SYT17: variants seen among roughly 807,000 people sequenced by gnomAD.
SYT17 encodes the protein synaptotagmin-17.
Under a neutral mutation model 46.7 loss-of-function variants are expected in SYT17, and 22 were observed. The ratio of observed to expected loss-of-function variants is 0.47; its 90% CI spans 0.34 to 0.67. The LOEUF (loss-of-function observed/expected upper bound fraction) is 0.67, where lower values mean the gene tolerates loss of function less well. Among genes scored for constraint, SYT17 ranks in the 30% least tolerant of loss-of-function variants. The pLI, the probability that SYT17 is intolerant of heterozygous loss-of-function variation, is 0.01. For missense variants in SYT17, 519 were observed against 612.8 expected (o/e 0.85, Z 1.62); for synonymous variants, 251 against 248.4 (o/e 1.01, Z -0.10).
chr16:19,258,483 A>G (rs1409666146), intron 7 of SYT17, among the ~76,000 whole-genome samples: 3 of 151,898 alleles, frequency 2.0e-5, no homozygotes, highest in East Asian at 3.9e-4. Flanking sequence ...TCTACTAAAA[A>G]ACACAAAAAT....
intron 7 of SYT17, among the ~76,000 whole-genome samples, chr16:19,231,523 C>CAAAAAAAAAAAAAAA (rs143448107): frequency 8.5e-4 from 39 of 45,840 alleles, no homozygotes; most frequent in South Asian, 2.8e-3. Context: ...AACTCCATCA[C>CAAAAAAAAAAAAAAA]AAAAAAAAAA....
At chr16:19,249,875 C>G in intron 7 of SYT17, 2 of 1,493,970 alleles carry the variant, frequency 1.3e-6, no homozygotes, top group Non-Finnish European at 1.8e-6. Flanking sequence ...TACTTTCATC[C>G]AGGTCGTCTT....
At chr16:19,263,731 C>T (rs200385080) in intron 7 of SYT17, among the ~76,000 whole-genome samples, 1 of 145,580 alleles carries the variant, frequency 6.9e-6, no homozygotes, top group East Asian at 2.0e-4. Context: ...AATGTGGAAA[C>T]AACCCAAATG....
intron 7 of SYT17, among the ~76,000 whole-genome samples, chr16:19,236,483 T>C (rs1966849760): frequency 1.3e-5 from 2 of 152,164 alleles, no homozygotes; most frequent in Non-Finnish European, 2.9e-5. Context: ...CTGTAAGTTC[T>C]GAGGTCTCTA....
chr16:19,247,385 T>G (rs1195186098), intron 7 of SYT17, among the ~76,000 whole-genome samples: 1 of 152,178 alleles, frequency 6.6e-6, no homozygotes, highest in Non-Finnish European at 1.5e-5. Context: ...GATGGCTGGA[T>G]CAAAGCATAC....
chr16:19,234,275 A>G (rs1039240963), intron 7 of SYT17, among the ~76,000 whole-genome samples: 2 of 152,084 alleles, frequency 1.3e-5, no homozygotes, highest in African/African-American at 2.4e-5. Flanking sequence ...GCAGTAAACT[A>G]TGATCACACC....
At chr16:19,189,198 A>G (rs1209500343) in intron 5 of SYT17, among the ~76,000 whole-genome samples, 1 of 152,106 alleles carries the variant, frequency 6.6e-6, no homozygotes, top group Non-Finnish European at 1.5e-5. Context: ...TTATAAGGAC[A>G]CCGGACACCA....
chr16:19,180,340 C>G (rs1186306582), intron 3 of SYT17, 51 bp from the exon 4 acceptor site: 1 of 1,601,244 alleles, frequency 6.2e-7, no homozygotes, highest in Admixed American at 1.7e-5. Flanking sequence ...ACAGAGATGC[C>G]AGTCCCCGGG....
At chr16:19,180,640 G>A (rs753033179) in intron 4 of SYT17, 101 bp downstream of exon 4, 115 of 1,432,224 alleles carry the variant, frequency 8.0e-5, no homozygotes, top group Non-Finnish European at 1.0e-4. Context: ...GGGGGAGGGC[G>A]GCAGAGTGGG....
At chr16:19,177,093 G>A (rs1257601808) in intron 3 of SYT17, among the ~76,000 whole-genome samples, 14 of 152,204 alleles carry the variant, frequency 9.2e-5, no homozygotes, top group Admixed American at 9.2e-4. Context: ...CTCATGTTGA[G>A]CTGGAGGACA....
rs1345843283 is a variant in SYT17 at position 19,198,346 on chromosome 16, C to T, written c.951+14199C>T. On this transcript the variant is annotated intron_variant, in intron 5 of 7. Coordinates refer to ENST00000355377, the MANE Select transcript of SYT17 (RefSeq NM_016524.4). ...GATCAGAGAGCCTGGCACATGTTTACAGTGGTGCCATATCATGGTCAAAAG... is the reference window on the plus strand; with the variant it reads ...GATCAGAGAGCCTGGCACATGTTTATAGTGGTGCCATATCATGGTCAAAAG... Among the ~76,000 whole-genome samples, 4 of 152,292 alleles carry T rather than the reference C, an allele frequency of 2.6e-5. No homozygotes were observed. In the East Asian group the frequency reaches 5.8e-4, roughly 22 times the overall value.
At chr16:19,204,655 T>G (rs1017366297) in intron 5 of SYT17, among the ~76,000 whole-genome samples, 2 of 152,084 alleles carry the variant, frequency 1.3e-5, no homozygotes, top group African/African-American at 4.8e-5. Flanking sequence ...TTGAAACACC[T>G]GTGTTATCAG....
chr16:19,178,320 C>G (rs575801830), intron 3 of SYT17, among the ~76,000 whole-genome samples: 2 of 151,856 alleles, frequency 1.3e-5, no homozygotes, highest in Non-Finnish European at 2.9e-5. Context: ...GTCCTGACCT[C>G]GTGATCCACC....
chr16:19,204,460 T>C (rs1365625855), intron 5 of SYT17, among the ~76,000 whole-genome samples: 1 of 151,984 alleles, frequency 6.6e-6, no homozygotes, highest in African/African-American at 2.4e-5. Context: ...CACTCAGCTT[T>C]CGGCGTTGAG....
At chr16:19,223,297 T>C in intron 6 of SYT17, 132 bp downstream of exon 6, 1 of 1,149,472 alleles carries the variant, frequency 8.7e-7, no homozygotes, top group South Asian at 1.7e-5. Flanking sequence ...AATGATGCCA[T>C]CTTAGTAACC....
intron 5 of SYT17, among the ~76,000 whole-genome samples, chr16:19,214,094 A>G (rs147554655): frequency 6.6e-6 from 1 of 152,236 alleles, no homozygotes; most frequent in Non-Finnish European, 1.5e-5. Context: ...TTCCCCAGTT[A>G]TGACAACTAA....
chr16:19,245,392 A>G (rs1432960055), intron 7 of SYT17, among the ~76,000 whole-genome samples: 1 of 152,184 alleles, frequency 6.6e-6, no homozygotes, highest in Non-Finnish European at 1.5e-5. Flanking sequence ...GCCAAAGTGA[A>G]GAAACCCTGA....
Position 19,267,159 on chromosome 16 carries a change from C to T in SYT17, c.*83C>T. ...AATGTGTCACATACTATTACATCCA[C>T]ACCTGCATACACACTCGCAACATGT... On this transcript the variant is annotated 3_prime_UTR_variant, in exon 8 of 8. Transcript: ENST00000355377. 1 of 1,207,410 alleles carries T rather than the reference C, an allele frequency of 8.3e-7. No homozygotes were observed. The highest frequency in any genetic ancestry group is 1.1e-6 in the Non-Finnish European group (1 of 888,046). 74.8% of individuals were successfully genotyped at this position (1,207,410 alleles called of 1,614,324 possible).
At chr16:19,205,596 C>G (rs1567211664) in intron 5 of SYT17, among the ~76,000 whole-genome samples, 1 of 152,174 alleles carries the variant, frequency 6.6e-6, no homozygotes, top group Non-Finnish European at 1.5e-5. Context: ...TGTACCACCA[C>G]ACCCAGCTAC....
Sources: gnomAD v4.1 joint callset for allele counts (sites outside exome capture counted in the v4.1 genomes callset) on GRCh38, gnomAD v4.1.1 for gene constraint, MANE v1.5 for transcripts, NCBI Gene and HGNC (gene_info 2026-07-23, HGNC 2026-07-21) for gene names.